ADGRB1: variants seen among roughly 807,000 people sequenced by gnomAD.
The protein encoded by ADGRB1 is adhesion G protein-coupled receptor B1, also known as brain-specific angiogenesis inhibitor 1.
In ADGRB1, 36 loss-of-function variants were observed where a neutral mutation model predicts 175.7. That is an observed-to-expected ratio of 0.20 (90% CI 0.16 to 0.27). ADGRB1 has a LOEUF of 0.27. Among genes scored for constraint, ADGRB1 ranks in the 10% least tolerant of loss-of-function variants. ADGRB1 has a pLI of 1.00. For synonymous variants in ADGRB1, 1,054 were observed against 979.4 expected, an observed-to-expected ratio of 1.08 and a Z score of -1.42; for missense variants, 1,731 against 2,255.3, an observed-to-expected ratio of 0.77 and a Z score of 4.71.
intron 1 of ADGRB1, among the ~76,000 whole-genome samples, chr8:142,460,386 G>A (rs1299393491): frequency 6.6e-6 from 1 of 152,220 alleles, no homozygotes; most frequent in Non-Finnish European, 1.5e-5. Flanking sequence ...GCAGGTTTGG[G>A]CCAGTTCTGT....
chr8:142,518,448 A>C (rs9802167), intron 19 of ADGRB1, among the ~76,000 whole-genome samples: 152,193 of 152,194 alleles, frequency 1, 76,096 homozygotes, highest in Non-Finnish European at 1. Flanking sequence ...CACACTCATA[A>C]TGTGTACATG....
rs778599032 is a variant in ADGRB1 at position 142,542,480 on chromosome 8, C to T, written c.4246C>T (p.Pro1416Ser). The change falls in exon 28 of 31, where the codon CCC (proline) becomes TCC (serine). Residue 1416 changes from proline (P) to serine (S), a missense_variant. Physicochemically the swap from Pro to Ser is moderately conservative, Grantham distance 74. Transcript: ENST00000517894. The surrounding 1 kb of genome is among the most constrained non-coding windows in gnomAD (Gnocchi z 6.3). ...APPAQPPPPP[P>S]PPPPPPQQPL... is the part of the protein sequence containing the mutation. Reference sequence around the variant, plus strand: ...CCCTGCCCAGCCCCCACCGCCTCCGCCCCCACCGCCACCACCTCCCCAGCA... The same window carrying T: ...CCCTGCCCAGCCCCCACCGCCTCCGTCCCCACCGCCACCACCTCCCCAGCA... 3.8e-6 allele frequency: 5 copies of T among 1,301,684 alleles called. No individual in the cohort carries two copies. The South Asian group carries it at 6.4e-5, about 17-fold the overall frequency. 80.6% of individuals were successfully genotyped at this position (1,301,684 alleles called of 1,614,324 possible).
At chr8:142,451,180 G>A (rs1002859397) in intron 1 of ADGRB1, among the ~76,000 whole-genome samples, 2 of 152,144 alleles carry the variant, frequency 1.3e-5, no homozygotes, top group Non-Finnish European at 2.9e-5. Flanking sequence ...GAGAATCACC[G>A]CGAAGCGATG....
intron 24 of ADGRB1, among the ~76,000 whole-genome samples, chr8:142,529,242 G>T (rs975439077): frequency 1.3e-5 from 2 of 152,044 alleles, no homozygotes; most frequent in Non-Finnish European, 2.9e-5. Context: ...GGGTGTGTGG[G>T]TATGCATGTC....
intron 25 of ADGRB1, among the ~76,000 whole-genome samples, chr8:142,535,518 G>T (rs976154469): frequency 1.2e-4 from 19 of 152,204 alleles, no homozygotes; most frequent in Non-Finnish European, 2.5e-4. Flanking sequence ...TGCCTACCCA[G>T]GTCCTCAGCC....
rs903795997 is a variant in ADGRB1 at position 142,489,432 on chromosome 8, G to C, written c.2625G>C (p.Met875Ile). ...RTPLEIEFAH[M>I]YNGTTNQTCI... ...CCTTGGAGATCGAGTTTGCCCACATGTATAATGTGAGTGCCGTCCACGTGC... is the reference window on the plus strand; with the variant it reads ...CCTTGGAGATCGAGTTTGCCCACATCTATAATGTGAGTGCCGTCCACGTGC... The change falls in exon 16 of 31, where the codon ATG (methionine) becomes ATC (isoleucine). Residue 875 changes from methionine to isoleucine, a missense_variant. Physicochemically the swap from Met to Ile is conservative, Grantham distance 10. Transcript: ENST00000517894. The C allele has an allele frequency of 6.2e-7, 1 of 1,612,518 alleles. No individual in the cohort carries two copies. Among genetic ancestry groups the C allele is most frequent in the Admixed American group, 1.7e-5 (1 of 60,000 alleles).
intron 17 of ADGRB1, among the ~76,000 whole-genome samples, chr8:142,503,161 C>T (rs982778828): frequency 1.7e-4 from 26 of 151,322 alleles, no homozygotes; most frequent in South Asian, 6.3e-4. Context: ...CTGAGGGAAG[C>T]GAGACCCCCC....
At chr8:142,482,556 A>C (rs1563698733) in intron 11 of ADGRB1, among the ~76,000 whole-genome samples, 1 of 148,832 alleles carries the variant, frequency 6.7e-6, no homozygotes, top group African/African-American at 2.5e-5. Flanking sequence ...GATCCTGGTC[A>C]TGCTGAGCCC....
Position 142,524,135 on chromosome 8 carries a change from C to T in ADGRB1, c.3246-103C>T, listed in dbSNP as rs928909141. On this transcript the variant is annotated intron_variant, in intron 22 of 30. Transcript: ENST00000517894. ...AAGGCGCTTAATAAGTGCCAGTTTT[C>T]TTCTGCCACTTCCCAGCTCACCCCT... 17 of 1,311,020 alleles carry T rather than the reference C, an allele frequency of 1.3e-5. No homozygotes were observed. The South Asian group carries it at 2.2e-4, about 17-fold the overall frequency. The allele number at this position is 1,311,020 out of a possible 1,614,324, so 81.2% of individuals were successfully genotyped here. A position where few individuals can be genotyped will look rare whatever the true frequency, so the allele number is the denominator to read the frequency against.
chr8:142,450,986 C>A (rs571369146), intron 1 of ADGRB1, among the ~76,000 whole-genome samples: 1 of 152,268 alleles, frequency 6.6e-6, no homozygotes, highest in African/African-American at 2.4e-5. Context: ...AGGCCGCCGG[C>A]CCTCCACCGT....
chr8:142,478,167 G>A lies in ADGRB1; in HGVS notation c.1388-20G>A. 1 of 1,590,822 alleles carries A rather than the reference G, an allele frequency of 6.3e-7. No homozygotes were observed. The highest frequency in any genetic ancestry group is 1.3e-5 in the African/African-American group (1 of 74,498). On this transcript the variant is annotated intron_variant, in intron 6 of 30. Transcript: ENST00000517894. ...GGTGCCGGGTGTTCACGCCCACTTT[G>A]TGTCTCCTTCCTCCCCCGGGCCGGG...
At position 142,477,379 on chromosome 8, in the gene ADGRB1, C is replaced by T. The variant is rs1841042751; in HGVS notation, c.1223-6C>T. ...GTGGGCAGCAGCACCTTCCGTCCCT[C>T]TGCAGTGCATGGTGCCTGGGATGAG... On this transcript the variant is annotated splice_region_variant and splice_polypyrimidine_tract_variant and intron_variant, in intron 5 of 30. Coordinates refer to ENST00000517894, the MANE Select transcript of ADGRB1 (RefSeq NM_001702.3). 2.5e-6 allele frequency: 4 copies of T among 1,599,128 alleles called. No homozygotes were observed. The South Asian group carries it at 3.3e-5, about 13-fold the overall frequency.
At position 142,511,702 on chromosome 8, in the gene ADGRB1, T is replaced by TA. The variant is rs2132044867; in HGVS notation, c.2817+629_2817+630insA. 6.6e-6 allele frequency among the ~76,000 whole-genome samples: 1 copy of TA among 152,292 alleles called. No homozygotes were observed. Among genetic ancestry groups the TA allele is most frequent in the African/African-American group, 2.4e-5 (1 of 41,574 alleles). On this transcript the variant is annotated intron_variant, in intron 18 of 30. Transcript: ENST00000517894. This position sits in a 1 kb window ranked among gnomAD's most constrained non-coding sequence, Gnocchi z 4.5. The stretch of plus-strand genomic sequence containing the variant: ...TGGGGTCAGCCGCTGGCAGGGGCCC[T>TA]GGGTGCTGGGCGCAGCTCCCTGGGG...
chr8:142,498,061 C>T (rs895256921), intron 17 of ADGRB1, among the ~76,000 whole-genome samples: 1 of 152,202 alleles, frequency 6.6e-6, no homozygotes, highest in Non-Finnish European at 1.5e-5. Context: ...CTTACTCCCC[C>T]ACAGGGCCTG....
chr8:142,477,349 C>T, intron 5 of ADGRB1, 36 bp from the exon 6 acceptor site: 1 of 1,440,108 alleles, frequency 6.9e-7, no homozygotes, highest in Non-Finnish European at 9.4e-7. Flanking sequence ...GGGGCGGTGG[C>T]CGCAGTGGGC....
chr8:142,544,272 C>A lies in ADGRB1; in HGVS notation c.4610C>A (p.Ala1537Asp). ...NKRPWESLRK[A>D]HGTPTWVKKE... is the part of the protein sequence containing the mutation. ...AGGCCCTGGGAGAGCCTCCGGAAAG[C>A]CCACGGGACGCCCACGTGGGTGAAG... is the stretch of plus-strand genomic sequence containing the variant. Residue 1537 changes from alanine to aspartate, a missense_variant, in exon 31 of 31, where the codon GCC becomes GAC. By Grantham distance (126) the Ala-to-Asp change is moderately radical. Around this residue, in one of 8 missense-constraint regions of ADGRB1, gnomAD observed 394 missense variants for 410.2 expected, o/e 0.96. Transcript: ENST00000517894. 1 of 1,549,358 alleles carries A rather than the reference C, an allele frequency of 6.5e-7. No homozygotes were observed. The highest frequency in any genetic ancestry group is 8.7e-7 in the Non-Finnish European group (1 of 1,146,670).
intron 1 of ADGRB1, among the ~76,000 whole-genome samples, chr8:142,452,931 C>T (rs1839441752): frequency 6.8e-6 from 1 of 147,692 alleles, no homozygotes; most frequent in South Asian, 2.1e-4. Flanking sequence ...GCGCCCGCAC[C>T]GCGCCCGCGC....
In ADGRB1 at chr8:142,510,127, T is replaced by TGGGGGTGGAGAGGAGGAGGAG. The variant is rs1843004633; in HGVS notation, c.2676-801_2676-781dup. Among the ~76,000 whole-genome samples, 1 of 149,618 alleles carries TGGGGGTGGAGAGGAGGAGGAG rather than the reference T, an allele frequency of 6.7e-6. No individual in the cohort carries two copies. The highest frequency in any genetic ancestry group is 1.5e-5 in the Non-Finnish European group (1 of 67,284). On this transcript the variant is annotated intron_variant, in intron 17 of 30. Transcript: ENST00000517894. The surrounding 1 kb of genome is among the most constrained non-coding windows in gnomAD (Gnocchi z 6.3). ...AGGAGGAAGAACAGGAGGAGGAGGT[T>TGGGGGTGGAGAGGAGGAGGAG]GGGGGTGGAGAGGAGGAGGAGGGGT...
chr8:142,481,750 G>A (rs1841349590), intron 11 of ADGRB1, 39 bp downstream of exon 11: 2 of 1,477,458 alleles, frequency 1.4e-6, no homozygotes, highest in South Asian at 1.4e-5. Flanking sequence ...AGGGTGTCGG[G>A]AAGGTGTCTG....
Sources: gnomAD v4.1 joint callset for allele counts (sites outside exome capture counted in the v4.1 genomes callset) on GRCh38, gnomAD v4.1.1 for gene constraint, gnomAD v4.1.1 regional missense constraint, Gnocchi (gnomAD v3.1) non-coding constraint, MANE v1.5 for transcripts, NCBI Gene and HGNC (gene_info 2026-07-23, HGNC 2026-07-21) for gene names.